EFNA5: variants seen among roughly 807,000 people sequenced by gnomAD.
EFNA5 encodes the protein ephrin A5, also known as ephrin-A5.
Under a neutral mutation model 22.9 loss-of-function variants are expected in EFNA5, and 5 were observed. That is an observed-to-expected ratio of 0.22 (90% confidence interval 0.11 to 0.46). EFNA5 has a LOEUF of 0.46. Ranked by LOEUF, EFNA5 falls within the 20% of genes least tolerant of loss-of-function variation. The probability of loss-of-function intolerance (pLI) is 0.99; values close to 1 mark genes in which losing one functional copy is unlikely to be tolerated. For synonymous variants in EFNA5, 113 were observed against 112.2 expected (o/e 1.01, Z -0.04); for missense variants, 237 against 293.3 (o/e 0.81, Z 1.40).
At chr5:107,543,640 C>T (rs969100544) in intron 1 of EFNA5, among the ~76,000 whole-genome samples, 20 of 152,070 alleles carry the variant, frequency 1.3e-4, no homozygotes, top group African/African-American at 4.8e-4. Context: ...TTTGGGAATA[C>T]AGCAGACTAA....
chr5:107,462,240 G>A (rs1749853298), intron 1 of EFNA5, among the ~76,000 whole-genome samples: 1 of 152,088 alleles, frequency 6.6e-6, no homozygotes, highest in Non-Finnish European at 1.5e-5. Flanking sequence ...GTGTGCTTGG[G>A]AGGAGGTTTG....
intron 2 of EFNA5, among the ~76,000 whole-genome samples, chr5:107,397,199 T>C (rs1468051762): frequency 6.6e-6 from 1 of 152,132 alleles, no homozygotes; most frequent in African/African-American, 2.4e-5. Flanking sequence ...TGCAGTGAGC[T>C]ATGATTGTGC....
In EFNA5 at chr5:107,464,159, CTAACCTCT is replaced by C. The variant is rs1470665693; in HGVS notation, c.126-36658_126-36651del. 3.9e-5 allele frequency among the ~76,000 whole-genome samples: 6 copies of C among 152,220 alleles called. No homozygotes were observed. In the East Asian group the frequency reaches 5.8e-4, roughly 15 times the overall value. On this transcript the variant is annotated intron_variant, in intron 1 of 4. Coordinates refer to ENST00000333274, the MANE Select transcript of EFNA5 (RefSeq NM_001962.3). ...TGAGGCACACCCTGCCCCTAACCTC[CTAACCTCT>C]GGAGTCTGGGCTGGCTAGAATTCAG...
intron 1 of EFNA5, among the ~76,000 whole-genome samples, chr5:107,499,230 T>C (rs1747076176): frequency 6.6e-6 from 1 of 152,104 alleles, no homozygotes; most frequent in South Asian, 2.1e-4. Flanking sequence ...AATACTTAAA[T>C]CTCCCACAAT....
At chr5:107,504,810 T>C (rs2112428819) in intron 1 of EFNA5, among the ~76,000 whole-genome samples, 1 of 152,340 alleles carries the variant, frequency 6.6e-6, no homozygotes, top group East Asian at 1.9e-4. Context: ...ATTACTATTC[T>C]AGTAGACTCT....
At position 107,615,355 on chromosome 5, in the gene EFNA5, G is replaced by A. The variant is rs371260312; in HGVS notation, c.125+55134C>T. Among the ~76,000 whole-genome samples, 8 of 152,192 alleles carry A rather than the reference G, an allele frequency of 5.3e-5. No homozygotes were observed. In the South Asian group the frequency reaches 1.7e-3, roughly 32 times the overall value. On this transcript the variant is annotated intron_variant, in intron 1 of 4. Transcript: ENST00000333274. Reference sequence around the variant, plus strand: ...GCTCTGTGATGCTCTGTTCCATCATGAGGATGCAAGAGAATTTCTATTTAA... The same window carrying A: ...GCTCTGTGATGCTCTGTTCCATCATAAGGATGCAAGAGAATTTCTATTTAA...
At chr5:107,429,522 C>A (rs534703480) in intron 1 of EFNA5, among the ~76,000 whole-genome samples, 1 of 152,130 alleles carries the variant, frequency 6.6e-6, no homozygotes, top group East Asian at 1.9e-4. Flanking sequence ...GATACTCTTC[C>A]GAGAGACAAC....
intron 1 of EFNA5, among the ~76,000 whole-genome samples, chr5:107,532,018 A>G (rs1237505988): frequency 6.6e-6 from 1 of 152,224 alleles, no homozygotes; most frequent in Non-Finnish European, 1.5e-5. Flanking sequence ...AGACCTCCTG[A>G]AAATGATGGC....
At chr5:107,561,525 T>G (rs539266030) in intron 1 of EFNA5, among the ~76,000 whole-genome samples, 1 of 152,194 alleles carries the variant, frequency 6.6e-6, no homozygotes, top group South Asian at 2.1e-4. Context: ...TGTGCCACCA[T>G]GCCCGGCTAA....
At chr5:107,411,464 C>A (rs538161195) in intron 2 of EFNA5, among the ~76,000 whole-genome samples, 1 of 152,190 alleles carries the variant, frequency 6.6e-6, no homozygotes, top group Admixed American at 6.5e-5. Flanking sequence ...CAGGAACTTG[C>A]GTCCTGAGTA....
chr5:107,529,618 C>T lies in EFNA5; in HGVS notation c.126-102109G>A, dbSNP rs1013618143. On this transcript the variant is annotated intron_variant, in intron 1 of 4. Transcript: ENST00000333274. ...AAGGCAGAGTGGTTCTGAAATGCAA[C>T]CTTTTTGGTGCCATTCCACATGATC... is the stretch of plus-strand genomic sequence containing the variant. Among the ~76,000 whole-genome samples the T allele has an allele frequency of 4.6e-5, 7 of 152,314 alleles. No individual in the cohort carries two copies. In the East Asian group the frequency reaches 9.6e-4, roughly 21 times the overall value.
At chr5:107,470,431 T>C (rs1229158627) in intron 1 of EFNA5, among the ~76,000 whole-genome samples, 3 of 152,234 alleles carry the variant, frequency 2.0e-5, no homozygotes, top group East Asian at 1.9e-4. Flanking sequence ...AATTATCATA[T>C]GCATGGCAGC....
chr5:107,464,774 C>G lies in EFNA5; in HGVS notation c.126-37265G>C, dbSNP rs1271518522. Among the ~76,000 whole-genome samples the G allele has an allele frequency of 2.0e-5, 3 of 152,144 alleles. No individual in the cohort carries two copies. In the East Asian group the frequency reaches 5.8e-4, roughly 29 times the overall value. ...CCTCACTTATCACACAGAAAGAATT[C>G]TGAAGCAAAACCAAATCCATAAGCA... On this transcript the variant is annotated intron_variant, in intron 1 of 4. Transcript: ENST00000333274.
chr5:107,631,256 A>ACAC (rs1750243340), intron 1 of EFNA5, among the ~76,000 whole-genome samples: 1 of 145,668 alleles, frequency 6.9e-6, no homozygotes, highest in Non-Finnish European at 1.5e-5. Flanking sequence ...CCTGACTACA[A>ACAC]ACACACACAC....
chr5:107,468,557 G>C (rs1027677836), intron 1 of EFNA5, among the ~76,000 whole-genome samples: 3 of 152,156 alleles, frequency 2.0e-5, no homozygotes. Flanking sequence ...TCCTAGCCTG[G>C]AGGTGCTTTT....
At chr5:107,561,869 C>A (rs2112478028) in intron 1 of EFNA5, among the ~76,000 whole-genome samples, 1 of 151,994 alleles carries the variant, frequency 6.6e-6, no homozygotes, top group Admixed American at 6.6e-5. Context: ...TGTATTTTTT[C>A]ATTTACCACT....
At chr5:107,584,843 G>C (rs1749143003) in intron 1 of EFNA5, among the ~76,000 whole-genome samples, 1 of 152,204 alleles carries the variant, frequency 6.6e-6, no homozygotes, top group African/African-American at 2.4e-5. Flanking sequence ...TCCATATAAA[G>C]AATGTAAGAG....
At chr5:107,471,087 G>A (rs541492583) in intron 1 of EFNA5, among the ~76,000 whole-genome samples, 2 of 151,682 alleles carry the variant, frequency 1.3e-5, no homozygotes, top group African/African-American at 2.4e-5. Flanking sequence ...TCTCCTTATC[G>A]CCTCCCAATT....
intron 4 of EFNA5, among the ~76,000 whole-genome samples, chr5:107,384,655 A>G (rs528394870): frequency 1.3e-5 from 2 of 152,084 alleles, no homozygotes; most frequent in Non-Finnish European, 2.9e-5. Flanking sequence ...TCTGTCACCC[A>G]GGATGGAGCA....
Sources: allele counts gnomAD v4.1 joint callset (sites outside exome capture counted in the v4.1 genomes callset), GRCh38; gene constraint gnomAD v4.1.1; transcripts MANE v1.5; gene names NCBI Gene and HGNC (gene_info 2026-07-23, HGNC 2026-07-21).